The following USP43 variants were observed in gnomAD, a reference collection of about 807,000 sequenced individuals.
The protein encoded by USP43 is ubiquitin carboxyl-terminal hydrolase 43.
In USP43, 33 loss-of-function variants were observed where a neutral mutation model predicts 90.7. The observed-to-expected ratio is 0.36, with a 90% CI of 0.28 to 0.49. The LOEUF (loss-of-function observed/expected upper bound fraction) is 0.49. Ranked by LOEUF, USP43 falls within the 20% of genes least tolerant of loss-of-function variation. USP43 has a pLI of 0.98. For synonymous variants in USP43, 598 were observed against 615.8 expected (o/e 0.97, Z 0.43); for missense variants, 1,274 against 1,476.4 (o/e 0.86, Z 2.25).
chr17:9,679,101 C>G (rs1007323440), intron 5 of USP43, among the ~76,000 whole-genome samples: 1 of 151,964 alleles, frequency 6.6e-6, no homozygotes, highest in African/African-American at 2.4e-5. Context: ...TAATATTTAC[C>G]TTTGCCAATG....
intron 6 of USP43, among the ~76,000 whole-genome samples, chr17:9,681,165 A>AATATACTATATAATATATTATATAGTAT (rs1914173710): frequency 1.5e-5 from 1 of 66,812 alleles, no homozygotes; most frequent in African/African-American, 8.9e-5. Context: ...TATACTATAT[A>AATATACTATATAATATATTATATAGTAT]ATATATACTA....
At chr17:9,668,416 G>A (rs1245474104) in intron 3 of USP43, among the ~76,000 whole-genome samples, 5 of 152,208 alleles carry the variant, frequency 3.3e-5, no homozygotes, top group Admixed American at 6.5e-5. Context: ...TAGGATTCAT[G>A]TTATATTCAA....
intron 12 of USP43, among the ~76,000 whole-genome samples, chr17:9,707,504 G>A (rs113688016): frequency 9.8e-4 from 149 of 151,882 alleles, no homozygotes; most frequent in Non-Finnish European, 1.3e-3. Context: ...ACAATTAGCC[G>A]GGTGTGGTGG....
intron 1 of USP43, among the ~76,000 whole-genome samples, chr17:9,648,938 C>CCTCTCTCTCTCTCTCT (rs112759856): frequency 1.5e-5 from 2 of 129,816 alleles, no homozygotes; most frequent in African/African-American, 6.3e-5. Flanking sequence ...TGTCTCTCTC[C>CCTCTCTCTCTCTCTCT]CTCTCTCTCT....
chr17:9,678,588 C>T (rs2151974435), intron 5 of USP43, among the ~76,000 whole-genome samples: 1 of 152,212 alleles, frequency 6.6e-6, no homozygotes. Flanking sequence ...GATCTGCCCG[C>T]CTCAACCTCC....
Position 9,709,892 on chromosome 17 carries a change from T to G in USP43, c.2012-64T>G, listed in dbSNP as rs566724592. 48 of 1,354,748 alleles carry G rather than the reference T, an allele frequency of 3.5e-5. No homozygotes were observed. In the South Asian group the frequency reaches 7.5e-4, roughly 21 times the overall value. 83.9% of individuals were successfully genotyped at this position (1,354,748 alleles called of 1,614,324 possible). A position where few individuals can be genotyped will look rare whatever the true frequency, so the allele number is the denominator to read the frequency against. On this transcript the variant is annotated intron_variant, in intron 12 of 14. Coordinates refer to ENST00000285199, the MANE Select transcript of USP43 (RefSeq NM_153210.5). This position sits in a 1 kb window ranked among gnomAD's most constrained non-coding sequence, Gnocchi z 5.0. ...CATACCGCTTTTTCAGCTATGCCAG[T>G]GGGAAATGTCTTCCTACCTTTTGGG... is the stretch of plus-strand genomic sequence containing the variant.
chr17:9,679,035 C>A (rs1472260789), intron 5 of USP43, among the ~76,000 whole-genome samples: 3 of 152,132 alleles, frequency 2.0e-5, no homozygotes, highest in African/African-American at 7.2e-5. Context: ...TTAATCCCTT[C>A]TCCACCTCCA....
chr17:9,686,592 C>T lies in USP43; in HGVS notation c.1242-206C>T, dbSNP rs368633895. 2.0e-5 allele frequency among the ~76,000 whole-genome samples: 3 copies of T among 152,102 alleles called. No homozygotes were observed. Among genetic ancestry groups the T allele is most frequent in the South Asian group, 4.1e-4 (2 of 4,832 alleles). ...CATTTTTTCATATGCCTGTTGGCTA[C>T]GTGTGTCATTTTGAGAAATGTCTAT... On this transcript the variant is annotated intron_variant, in intron 7 of 14. Transcript: ENST00000285199. The surrounding 1 kb of genome is among the most constrained non-coding windows in gnomAD (Gnocchi z 5.5).
chr17:9,650,256 CT>C (rs1378465340), intron 1 of USP43, among the ~76,000 whole-genome samples: 1 of 152,108 alleles, frequency 6.6e-6, no homozygotes, highest in Non-Finnish European at 1.5e-5. Flanking sequence ...GTTTTATTAT[CT>C]TTCTATTTTT....
rs1597803167 is a variant in USP43, at chr17:9,645,593, G to T, written c.-40G>T. The T allele has an allele frequency of 2.5e-6, 3 of 1,179,724 alleles. No homozygotes were observed. Among genetic ancestry groups the T allele is most frequent in the South Asian group, 4.2e-5 (1 of 23,638 alleles). 73.1% of individuals were successfully genotyped at this position (1,179,724 alleles called of 1,614,324 possible). A position where few individuals can be genotyped will look rare whatever the true frequency, so the allele number is the denominator to read the frequency against. ...CCTGCTGGCCGCTCGTCCGCCTCGC[G>T]CCCGGGGGCTCCGCGCCTGGAGCTG... is the stretch of plus-strand genomic sequence containing the variant. On this transcript the variant is annotated 5_prime_UTR_variant, in exon 1 of 15. Coordinates refer to ENST00000285199, the MANE Select transcript of USP43 (RefSeq NM_153210.5). This position sits in a 1 kb window ranked among gnomAD's most constrained non-coding sequence, Gnocchi z 6.8.
Position 9,686,536 on chromosome 17 carries a change from T to A in USP43, c.1242-262T>A, listed in dbSNP as rs1485481218. Among the ~76,000 whole-genome samples the A allele has an allele frequency of 6.6e-6, 1 of 152,224 alleles. No individual in the cohort carries two copies. The highest frequency in any genetic ancestry group is 1.5e-5 in the Non-Finnish European group (1 of 68,038). On this transcript the variant is annotated intron_variant, in intron 7 of 14. Transcript: ENST00000285199. The surrounding 1 kb of genome is among the most constrained non-coding windows in gnomAD (Gnocchi z 5.5). ...GATGATATCTCATTGGGGTTTTGAC[T>A]TGCATTTCCCTGATAATTAGTGATG...
intron 9 of USP43, 142 bp downstream of exon 9, chr17:9,693,372 A>G: frequency 1.4e-6 from 1 of 701,752 alleles, no homozygotes; most frequent in Non-Finnish European, 2.4e-6. Flanking sequence ...CCGCTATGTT[A>G]GGTCATTGGG....
chr17:9,676,903 G>A (rs929378680), intron 5 of USP43, 22 bp downstream of exon 5: 7 of 1,609,688 alleles, frequency 4.3e-6, no homozygotes, highest in Non-Finnish European at 5.9e-6. Flanking sequence ...TTGCACTGGG[G>A]CCTGGTCATT....
At position 9,681,462 on chromosome 17, in the gene USP43, T is replaced by TTATATATATATA. The variant is rs1184883523; in HGVS notation, c.1105+1132_1105+1143dup. Among the ~76,000 whole-genome samples the TTATATATATATA allele has an allele frequency of 2.9e-3, 53 of 18,492 alleles. 1 individual carries two copies. Among genetic ancestry groups the TTATATATATATA allele is most frequent in the Non-Finnish European group, 3.4e-3 (39 of 11,538 alleles). The allele number at this position is 18,492 out of a possible 152,430, so 12.1% of individuals were successfully genotyped here. On this transcript the variant is annotated intron_variant, in intron 6 of 14. Coordinates refer to ENST00000285199, the MANE Select transcript of USP43 (RefSeq NM_153210.5). Reference sequence around the variant, plus strand: ...TATAGATAAATATATATAAAATATATTATATATATATATATATATATATAT... The same window carrying TTATATATATATA: ...TATAGATAAATATATATAAAATATATTATATATATATATATATATATATATATATATATATAT...
chr17:9,668,476 T>C (rs1422516027), intron 3 of USP43, among the ~76,000 whole-genome samples: 1 of 152,250 alleles, frequency 6.6e-6, no homozygotes, highest in African/African-American at 2.4e-5. Flanking sequence ...TAGAGGCTGA[T>C]TGTTTATTTA....
At chr17:9,657,890 A>T (rs1163453362) in intron 2 of USP43, among the ~76,000 whole-genome samples, 1 of 150,766 alleles carries the variant, frequency 6.6e-6, no homozygotes, top group Non-Finnish European at 1.5e-5. Context: ...TTTTAACAAC[A>T]TCTGTGAATA....
rs371533171 is a variant in USP43 at position 9,676,787 on chromosome 17, G to A, written c.875G>A (p.Arg292Gln). 94 of 1,613,970 alleles carry A rather than the reference G, an allele frequency of 5.8e-5. No individual in the cohort carries two copies. The South Asian group carries it at 6.8e-4, about 12-fold the overall frequency. ...VTLVFPSKSQ[R>Q]FLRVGLAVPI... is the part of the protein sequence containing the mutation. ...TTGGTCTTCCCCTCTAAGAGCCAGCGGTTCCTGCGGGTTGGCCTGGCCGTG... is the reference window on the plus strand; with the variant it reads ...TTGGTCTTCCCCTCTAAGAGCCAGCAGTTCCTGCGGGTTGGCCTGGCCGTG... Residue 292 changes from arginine to glutamine, a missense_variant, in exon 5 of 15, where the codon CGG becomes CAG. Around this residue, in one of 6 missense-constraint regions of USP43, gnomAD observed 259 missense variants for 373.7 expected, o/e 0.69. Transcript: ENST00000285199.
At chr17:9,718,041 C>T (rs187466160) in intron 14 of USP43, among the ~76,000 whole-genome samples, 1 of 152,122 alleles carries the variant, frequency 6.6e-6, no homozygotes, top group Non-Finnish European at 1.5e-5. Flanking sequence ...CGTGATCTGC[C>T]CACCTCGGCC....
At chr17:9,700,134 C>T (rs1178823551) in intron 9 of USP43, 38 bp from the exon 10 acceptor site, 5 of 1,554,210 alleles carry the variant, frequency 3.2e-6, no homozygotes, top group African/African-American at 1.4e-5. Context: ...GGAAGGAGGC[C>T]CCGTGTTTTC....
Sources: gnomAD v4.1 joint callset for allele counts (sites outside exome capture counted in the v4.1 genomes callset) on GRCh38, gnomAD v4.1.1 for gene constraint, gnomAD v4.1.1 regional missense constraint, Gnocchi (gnomAD v3.1) non-coding constraint, MANE v1.5 for transcripts, NCBI Gene and HGNC (gene_info 2026-07-23, HGNC 2026-07-21) for gene names.